The following PMM2 variants were observed in gnomAD, a reference collection of about 807,000 sequenced individuals.
PMM2 encodes the protein mannose-6-phosphate isomerase.
PMM2 carries 35 observed loss-of-function variants against 33.2 expected under a neutral mutation model. The ratio of observed to expected loss-of-function variants is 1.06; its 90% CI spans 0.81 to 1.40. PMM2 has a LOEUF of 1.40. Ranked by LOEUF, PMM2 falls within the 40% of genes most tolerant of loss-of-function variation. The pLI, the probability that PMM2 is intolerant of heterozygous loss-of-function variation, is 0.00. For missense variants in PMM2, 386 were observed against 306.0 expected, an observed-to-expected ratio of 1.26 and a Z score of -1.95; for synonymous variants, 153 against 114.7, an observed-to-expected ratio of 1.33 and a Z score of -2.13.
chr16:8,845,484 G>A (rs1160377180), intron 7 of PMM2, among the ~76,000 whole-genome samples: 2 of 152,196 alleles, frequency 1.3e-5, no homozygotes, highest in African/African-American at 4.8e-5. Flanking sequence ...GGTGTGTTGT[G>A]TTAATGTGTG....
intron 7 of PMM2, among the ~76,000 whole-genome samples, chr16:8,820,717 C>T (rs2060734243): frequency 2.0e-5 from 3 of 152,158 alleles, no homozygotes; most frequent in Admixed American, 6.5e-5. Context: ...AAGTGGGTGA[C>T]GCAGGGCCTG....
Position 8,849,017 on chromosome 16 carries a change from C to G in PMM2, c.*1192C>G, listed in dbSNP as rs1856388355. The G allele has an allele frequency of 6.6e-6, 1 of 152,262 alleles. No individual in the cohort carries two copies. Among genetic ancestry groups the G allele is most frequent in the Admixed American group, 6.5e-5 (1 of 15,286 alleles). The allele number at this position is 152,262 out of a possible 1,614,324, so 9.4% of individuals were successfully genotyped here. On this transcript the variant is annotated 3_prime_UTR_variant, in exon 8 of 8. Transcript: ENST00000268261. ...GCCATACACCCTCCATTGCTTGGTG[C>G]TGGGGTTGTGTGGCCTCCACTGGGC... is the stretch of plus-strand genomic sequence containing the variant.
intron 1 of PMM2, among the ~76,000 whole-genome samples, chr16:8,800,706 C>T (rs1446272498): frequency 2.1e-5 from 3 of 146,330 alleles, no homozygotes; most frequent in Non-Finnish European, 4.5e-5. Flanking sequence ...TGTTTTGAGA[C>T]GAAGTCTCGC....
chr16:8,829,951 G>A (rs1258480756), intron 7 of PMM2, among the ~76,000 whole-genome samples: 1 of 152,224 alleles, frequency 6.6e-6, no homozygotes, highest in African/African-American at 2.4e-5. Context: ...ACCCCATGCT[G>A]GGGCTACAAA....
At chr16:8,802,950 C>T (rs1029224857) in intron 2 of PMM2, among the ~76,000 whole-genome samples, 1 of 152,124 alleles carries the variant, frequency 6.6e-6, no homozygotes, top group Non-Finnish European at 1.5e-5. Flanking sequence ...TTCTCACCTT[C>T]GCACTATTGA....
chr16:8,838,926 G>A (rs116947920), intron 7 of PMM2, among the ~76,000 whole-genome samples: 40 of 152,032 alleles, frequency 2.6e-4, no homozygotes, highest in Admixed American at 2.1e-3. Context: ...TCAACAGTGA[G>A]TAAGCAAGGC....
chr16:8,831,878 G>A (rs2060811787), intron 7 of PMM2, among the ~76,000 whole-genome samples: 1 of 152,166 alleles, frequency 6.6e-6, no homozygotes, highest in Non-Finnish European at 1.5e-5. Flanking sequence ...GTGCCTGTCA[G>A]GTACACTATA....
chr16:8,832,893 C>A, intron 7 of PMM2: 1 of 985,460 alleles, frequency 1.0e-6, no homozygotes, highest in Non-Finnish European at 1.2e-6. Flanking sequence ...TTCCCTCACC[C>A]TCCAGGCCTG....
chr16:8,810,664 T>A (rs932550635), intron 4 of PMM2: 2 of 303,916 alleles, frequency 6.6e-6, no homozygotes, highest in Non-Finnish European at 1.3e-5. Flanking sequence ...ATAACCCCTA[T>A]CTCCCAGGCT....
intron 7 of PMM2, among the ~76,000 whole-genome samples, chr16:8,845,451 C>T (rs1219958368): frequency 6.6e-6 from 1 of 152,036 alleles, no homozygotes; most frequent in Non-Finnish European, 1.5e-5. Context: ...GGCTCAGAGG[C>T]CTGACAGTAG....
chr16:8,822,027 G>C (rs905792808), intron 7 of PMM2, among the ~76,000 whole-genome samples: 2 of 152,214 alleles, frequency 1.3e-5, no homozygotes, highest in African/African-American at 4.8e-5. Flanking sequence ...AGTAGACAAA[G>C]GGTAATTCAC....
chr16:8,804,023 T>TTTTTTTTG, intron 2 of PMM2, among the ~76,000 whole-genome samples: 2 of 28,286 alleles, frequency 7.1e-5, no homozygotes, highest in East Asian at 2.6e-3. Context: ...GTTTTTTGGG[T>TTTTTTTTG]TTTTTTTGTT....
At chr16:8,842,339 G>A (rs1270184879) in intron 7 of PMM2, 2 of 152,288 alleles carry the variant, frequency 1.3e-5, no homozygotes, top group Non-Finnish European at 2.9e-5. Flanking sequence ...AGATTCAAAG[G>A]AGGGGCTACA....
intron 4 of PMM2, 134 bp from the exon 5 acceptor site, chr16:8,810,945 T>C (rs2060673711): frequency 4.3e-6 from 3 of 702,252 alleles, no homozygotes; most frequent in East Asian, 2.7e-5. Context: ...CCATATTACA[T>C]AGCACAGAGC....
At chr16:8,827,864 A>AATATATATG (rs2060784047) in intron 7 of PMM2, among the ~76,000 whole-genome samples, 1 of 90,952 alleles carries the variant, frequency 1.1e-5, no homozygotes, top group Non-Finnish European at 2.3e-5. Flanking sequence ...TATGTTATAT[A>AATATATATG]TTATATATAT....
chr16:8,806,480 T>G, intron 4 of PMM2, 73 bp downstream of exon 4: 1 of 905,374 alleles, frequency 1.1e-6, no homozygotes, highest in Non-Finnish European at 1.9e-6. Flanking sequence ...ATGTGGGCAT[T>G]CTCCAAATAG....
At chr16:8,816,550 T>C (rs983300834) in intron 7 of PMM2, among the ~76,000 whole-genome samples, 6 of 150,912 alleles carry the variant, frequency 4.0e-5, no homozygotes, top group African/African-American at 1.5e-4. Flanking sequence ...GAGACCAGCC[T>C]GACCAACATG....
intron 7 of PMM2, 23 bp from the exon 8 acceptor site, chr16:8,847,701 A>C (rs981372486): frequency 6.4e-7 from 1 of 1,553,630 alleles, no homozygotes; most frequent in Non-Finnish European, 8.9e-7. Flanking sequence ...GGGAGCCTTC[A>C]TCTGTACTTC....
intron 7 of PMM2, among the ~76,000 whole-genome samples, chr16:8,820,059 G>A (rs925557083): frequency 5.3e-5 from 8 of 152,312 alleles, no homozygotes; most frequent in South Asian, 2.1e-4. Flanking sequence ...TTAGCTGGGC[G>A]TGGTGGCGCA....
Sources: gnomAD v4.1 joint callset for allele counts (sites outside exome capture counted in the v4.1 genomes callset) on GRCh38, gnomAD v4.1.1 for gene constraint, MANE v1.5 for transcripts, NCBI Gene and HGNC (gene_info 2026-07-23, HGNC 2026-07-21) for gene names.